Variants in PCDH9 observed in about 807,000 individuals in gnomAD.
The protein encoded by PCDH9 is protocadherin-9.
PCDH9 carries 24 observed loss-of-function variants against 70.6 expected under a neutral mutation model. The observed-to-expected ratio is 0.34, with a 90% CI of 0.25 to 0.48. PCDH9 has a LOEUF of 0.48. PCDH9 is among the 20% of genes least tolerant of loss of function. The pLI is 0.99. For missense variants in PCDH9, 1,281 were observed against 1,503.6 expected (o/e 0.85, Z 2.45); for synonymous variants, 562 against 558.5 (o/e 1.01, Z -0.09).
chr13:66,338,513 G>T (rs1956074046), intron 4 of PCDH9, among the ~76,000 whole-genome samples: 1 of 151,962 alleles, frequency 6.6e-6, no homozygotes, highest in Non-Finnish European at 1.5e-5. Context: ...GTTTCATAAT[G>T]ATTTACTTTA....
chr13:66,742,906 C>G (rs2079290576), intron 3 of PCDH9, among the ~76,000 whole-genome samples: 1 of 129,252 alleles, frequency 7.7e-6, no homozygotes, highest in Admixed American at 8.3e-5. Flanking sequence ...GGACTGTAAA[C>G]TAGTTCAACC....
At chr13:67,091,796 T>C (rs1366481846) in intron 2 of PCDH9, among the ~76,000 whole-genome samples, 24 of 152,326 alleles carry the variant, frequency 1.6e-4, no homozygotes, top group African/African-American at 5.0e-4. Flanking sequence ...GGTCATGTCA[T>C]AGACACTTAC....
chr13:67,091,259 T>C (rs2086212310), intron 2 of PCDH9, among the ~76,000 whole-genome samples: 1 of 152,164 alleles, frequency 6.6e-6, no homozygotes, highest in Non-Finnish European at 1.5e-5. Context: ...TAAAATATTA[T>C]AAATGTACAT....
intron 4 of PCDH9, among the ~76,000 whole-genome samples, chr13:66,519,587 A>G (rs540398478): frequency 6.6e-6 from 1 of 152,130 alleles, no homozygotes; most frequent in Non-Finnish European, 1.5e-5. Flanking sequence ...CTAAGATTTT[A>G]TGAGTCTATG....
chr13:67,096,329 T>C (rs2086319723), intron 2 of PCDH9, among the ~76,000 whole-genome samples: 1 of 152,214 alleles, frequency 6.6e-6, no homozygotes, highest in East Asian at 1.9e-4. Context: ...ACTAAGTCAT[T>C]TGAAATGTAT....
chr13:67,013,840 C>A (rs2084502645), intron 2 of PCDH9, among the ~76,000 whole-genome samples: 1 of 151,846 alleles, frequency 6.6e-6, no homozygotes, highest in African/African-American at 2.4e-5. Flanking sequence ...AAAAAACAGA[C>A]AAGAGGGGAA....
chr13:66,695,105 G>A (rs1233469866), intron 3 of PCDH9, among the ~76,000 whole-genome samples: 3 of 151,960 alleles, frequency 2.0e-5, no homozygotes, highest in East Asian at 1.9e-4. Flanking sequence ...GGGTTTCACC[G>A]TGTTAGCCAG....
chr13:67,172,877 C>CAAAA lies in PCDH9; in HGVS notation c.3036+52524_3036+52527dup, dbSNP rs11407365. On this transcript the variant is annotated intron_variant, in intron 2 of 4. Transcript: ENST00000377865. The stretch of plus-strand genomic sequence containing the variant: ...TGGGAGACAGAGCGAGACTCCATCT[C>CAAAA]AAAAAAAAAAAAAAAAAAAGGATGG... Among the ~76,000 whole-genome samples, 38 of 99,022 alleles carry CAAAA rather than the reference C, an allele frequency of 3.8e-4. 1 individual carries two copies. Among genetic ancestry groups the CAAAA allele is most frequent in the Admixed American group, 1.8e-3 (14 of 7,700 alleles). 65.0% of individuals were successfully genotyped at this position (99,022 alleles called of 152,430 possible).
intron 2 of PCDH9, among the ~76,000 whole-genome samples, chr13:67,169,192 C>G (rs2088208448): frequency 1.3e-5 from 2 of 152,164 alleles, no homozygotes. Flanking sequence ...ACTGATGGCA[C>G]TTGATATGAA....
intron 4 of PCDH9, among the ~76,000 whole-genome samples, chr13:66,417,356 C>T (rs1312631612): frequency 2.0e-5 from 3 of 152,172 alleles, no homozygotes; most frequent in Non-Finnish European, 4.4e-5. Context: ...AGGACAGGAA[C>T]TCATTCTTTT....
chr13:66,824,129 A>G (rs1462443276), intron 3 of PCDH9, among the ~76,000 whole-genome samples: 2 of 151,706 alleles, frequency 1.3e-5, no homozygotes, highest in Non-Finnish European at 2.9e-5. Flanking sequence ...TTTCTCCTTC[A>G]TAGAAAAATG....
intron 2 of PCDH9, chr13:67,216,008 G>A (rs1272526752): frequency 2.6e-5 from 4 of 152,150 alleles, no homozygotes; most frequent in Non-Finnish European, 5.9e-5. Flanking sequence ...AGGAACCAGG[G>A]CCATGTGAGG....
intron 2 of PCDH9, among the ~76,000 whole-genome samples, chr13:66,982,130 T>A (rs535594087): frequency 9.2e-5 from 14 of 152,296 alleles, no homozygotes; most frequent in African/African-American, 3.4e-4. Context: ...ACTCACTCTC[T>A]CTCTTGCTCC....
At chr13:66,688,527 T>A (rs919901234) in intron 3 of PCDH9, among the ~76,000 whole-genome samples, 4 of 152,142 alleles carry the variant, frequency 2.6e-5, no homozygotes, top group African/African-American at 7.2e-5. Context: ...AGTGGAAAGC[T>A]CATGTTAGCT....
At chr13:67,224,617 T>C (rs962106381) in intron 2 of PCDH9, 1 of 169,418 alleles carries the variant, frequency 5.9e-6, no homozygotes, top group Non-Finnish European at 1.2e-5. Context: ...ATGGCATATT[T>C]CACAGTTTAA....
At chr13:66,366,243 T>G (rs1956553037) in intron 4 of PCDH9, among the ~76,000 whole-genome samples, 2 of 152,062 alleles carry the variant, frequency 1.3e-5, no homozygotes, top group Non-Finnish European at 2.9e-5. Context: ...ATGCTATTAT[T>G]CTCATCTTAT....
chr13:66,585,745 C>A (rs2076954291), intron 4 of PCDH9, among the ~76,000 whole-genome samples: 1 of 151,992 alleles, frequency 6.6e-6, no homozygotes, highest in Non-Finnish European at 1.5e-5. Flanking sequence ...TGGTCTTTTT[C>A]TTTCTTTCTT....
intron 2 of PCDH9, among the ~76,000 whole-genome samples, chr13:67,025,221 A>C (rs2084756333): frequency 6.6e-6 from 1 of 152,056 alleles, no homozygotes; most frequent in Admixed American, 6.6e-5. Flanking sequence ...CATAGGTGAA[A>C]TGGTTTGGTA....
chr13:66,735,414 G>A (rs1037234230), intron 3 of PCDH9, among the ~76,000 whole-genome samples: 2 of 151,970 alleles, frequency 1.3e-5, no homozygotes, highest in African/African-American at 4.8e-5. Flanking sequence ...CAAACACAAG[G>A]ATATACCATA....
Sources: allele counts gnomAD v4.1 joint callset (sites outside exome capture counted in the v4.1 genomes callset), GRCh38; gene constraint gnomAD v4.1.1; transcripts MANE v1.5; gene names NCBI Gene and HGNC (gene_info 2026-07-23, HGNC 2026-07-21).